Variants in HOMER1 observed in about 807,000 individuals in gnomAD.
The protein encoded by HOMER1 is homer scaffold protein 1, also known as homer protein homolog 1.
HOMER1 carries 3 observed loss-of-function variants against 48.9 expected under a neutral mutation model. The observed-to-expected ratio is 0.06, with a 90% CI of 0.03 to 0.16. The LOEUF is 0.16. HOMER1 is among the 10% of genes least tolerant of loss of function. The probability of loss-of-function intolerance (pLI) is 1.00; values close to 1 mark genes in which losing one functional copy is unlikely to be tolerated. For synonymous variants in HOMER1, 134 were observed against 146.4 expected, an observed-to-expected ratio of 0.92 and a Z score of 0.61; for missense variants, 247 against 411.4, an observed-to-expected ratio of 0.60 and a Z score of 3.46.
chr5:79,386,779 A>G (rs939523179), intron 8 of HOMER1, among the ~76,000 whole-genome samples: 2 of 152,224 alleles, frequency 1.3e-5, no homozygotes, highest in Non-Finnish European at 2.9e-5. Context: ...AGGCAAAAAC[A>G]AAGTATAAAA....
intron 5 of HOMER1, among the ~76,000 whole-genome samples, chr5:79,417,286 G>T (rs1385122212): frequency 6.6e-6 from 1 of 152,090 alleles, no homozygotes; most frequent in Non-Finnish European, 1.5e-5. Flanking sequence ...GGGACTACAG[G>T]GGCCTGCCAC....
At chr5:79,395,586 C>T (rs914062938) in intron 8 of HOMER1, among the ~76,000 whole-genome samples, 1 of 152,108 alleles carries the variant, frequency 6.6e-6, no homozygotes, top group Non-Finnish European at 1.5e-5. Context: ...CTACTGAAAG[C>T]CAGTGATGGG....
At chr5:79,452,738 G>A (rs1751062612) in intron 2 of HOMER1, among the ~76,000 whole-genome samples, 1 of 151,656 alleles carries the variant, frequency 6.6e-6, no homozygotes, top group Non-Finnish European at 1.5e-5. Flanking sequence ...TCAGACAGAA[G>A]ATGTGTCCAC....
At chr5:79,381,497 C>A (rs1489548376) in intron 8 of HOMER1, among the ~76,000 whole-genome samples, 1 of 152,186 alleles carries the variant, frequency 6.6e-6, no homozygotes, top group Non-Finnish European at 1.5e-5. Context: ...TCCAGCAATA[C>A]ATCCCAATCA....
At chr5:79,430,414 T>A (rs1275931049) in intron 5 of HOMER1, among the ~76,000 whole-genome samples, 1 of 152,202 alleles carries the variant, frequency 6.6e-6, no homozygotes, top group Non-Finnish European at 1.5e-5. Flanking sequence ...CCCTTATATA[T>A]CTGCTAGTGG....
At chr5:79,440,300 G>A (rs78092101) in intron 4 of HOMER1, among the ~76,000 whole-genome samples, 4,187 of 152,168 alleles carry the variant, frequency 0.028, 139 homozygotes, top group East Asian at 0.12. Context: ...AAATATTAAC[G>A]TGGTGAGACT....
At position 79,458,994 on chromosome 5, in the gene HOMER1, G is replaced by C. The variant is rs59709380; in HGVS notation, c.6-1976C>G. The stretch of plus-strand genomic sequence containing the variant: ...CTGAGGTAAAAGTATTGTTGGTCAG[G>C]CTGGGAGTGGCTAGTTACAAGTCAC... On this transcript the variant is annotated intron_variant, in intron 1 of 8. Transcript: ENST00000334082. Among the ~76,000 whole-genome samples the C allele has an allele frequency of 9.5e-3, 1,446 of 152,216 alleles. 17 individuals are homozygous for C. Among genetic ancestry groups the C allele is most frequent in the African/African-American group, 0.033 (1,370 of 41,542 alleles).
At chr5:79,400,913 TA>T (rs1320488734) in intron 6 of HOMER1, among the ~76,000 whole-genome samples, 86 of 127,736 alleles carry the variant, frequency 6.7e-4, no homozygotes, top group Middle Eastern at 4.0e-3. Context: ...CTTGGTTAAT[TA>T]AAAAAAAAAA....
At chr5:79,400,406 G>T (rs1444693883) in intron 6 of HOMER1, among the ~76,000 whole-genome samples, 1 of 148,798 alleles carries the variant, frequency 6.7e-6, no homozygotes, top group African/African-American at 2.5e-5. Flanking sequence ...CCAAGCTGGA[G>T]TATGCAGTGG....
intron 1 of HOMER1, chr5:79,510,600 A>G: frequency 1.2e-6 from 1 of 829,112 alleles, no homozygotes; most frequent in Non-Finnish European, 2.1e-6. Flanking sequence ...GGCCTAAAGA[A>G]GATGCAGGCT....
chr5:79,380,971 C>T (rs1748954395), intron 8 of HOMER1, among the ~76,000 whole-genome samples: 2 of 152,136 alleles, frequency 1.3e-5, no homozygotes, highest in Admixed American at 1.3e-4. Context: ...ACACCAGTTG[C>T]CCAGGGGTCG....
chr5:79,427,495 T>C lies in HOMER1; in HGVS notation c.527+11515A>G, dbSNP rs536176066. Among the ~76,000 whole-genome samples, 4 of 152,292 alleles carry C rather than the reference T, an allele frequency of 2.6e-5. No homozygotes were observed. The South Asian group carries it at 8.3e-4, about 32-fold the overall frequency. On this transcript the variant is annotated intron_variant, in intron 5 of 8. Coordinates refer to ENST00000334082, the MANE Select transcript of HOMER1 (RefSeq NM_004272.5). The stretch of plus-strand genomic sequence containing the variant: ...TTTTCGCCTCCCAGGTTCAAGCGAT[T>C]CTCATGCCTCAGCCACTTGAGTAGC...
intron 8 of HOMER1, among the ~76,000 whole-genome samples, chr5:79,378,454 T>C (rs1244891780): frequency 1.3e-5 from 2 of 152,154 alleles, no homozygotes; most frequent in East Asian, 1.9e-4. Flanking sequence ...GTTTCCAATC[T>C]CTTCACTTTG....
intron 6 of HOMER1, among the ~76,000 whole-genome samples, chr5:79,400,265 T>C (rs1386715117): frequency 1.3e-5 from 2 of 152,114 alleles, no homozygotes; most frequent in African/African-American, 2.4e-5. Flanking sequence ...CCCCCACCTC[T>C]CTTAAGTTAA....
chr5:79,492,564 C>T (rs761110648), intron 1 of HOMER1, among the ~76,000 whole-genome samples: 9 of 151,900 alleles, frequency 5.9e-5, no homozygotes, highest in Non-Finnish European at 8.8e-5. Context: ...GCAAGTGCTT[C>T]GCATGTGGTA....
At chr5:79,489,436 A>G (rs1752208834) in intron 1 of HOMER1, among the ~76,000 whole-genome samples, 1 of 152,138 alleles carries the variant, frequency 6.6e-6, no homozygotes, top group South Asian at 2.1e-4. Flanking sequence ...TCACACCTGT[A>G]ATCTCAGTTA....
intron 1 of HOMER1, among the ~76,000 whole-genome samples, chr5:79,500,364 T>A (rs1279585824): frequency 2.6e-5 from 4 of 152,176 alleles, no homozygotes; most frequent in African/African-American, 9.7e-5. Flanking sequence ...TTGATAATAT[T>A]AGAAGAGCTT....
At chr5:79,501,890 G>A (rs756299008) in intron 1 of HOMER1, among the ~76,000 whole-genome samples, 20 of 152,052 alleles carry the variant, frequency 1.3e-4, no homozygotes, top group Non-Finnish European at 1.9e-4. Context: ...ATTTAAACAA[G>A]TTTTGCTAGC....
intron 1 of HOMER1, among the ~76,000 whole-genome samples, chr5:79,491,633 T>C (rs1752282343): frequency 6.6e-6 from 1 of 152,110 alleles, no homozygotes; most frequent in African/African-American, 2.4e-5. Context: ...TTCCTTCCGA[T>C]CTCATTTTCT....
Sources: gnomAD v4.1 joint callset for allele counts (sites outside exome capture counted in the v4.1 genomes callset) on GRCh38, gnomAD v4.1.1 for gene constraint, MANE v1.5 for transcripts, NCBI Gene and HGNC (gene_info 2026-07-23, HGNC 2026-07-21) for gene names.